MTA1: variants seen among roughly 807,000 people sequenced by gnomAD.
The protein encoded by MTA1 is metastasis associated 1.
Under a neutral mutation model 97.0 loss-of-function variants are expected in MTA1, and 15 were observed. The ratio of observed to expected loss-of-function variants is 0.15; its 90% CI spans 0.10 to 0.24. The LOEUF is 0.24. Among genes scored for constraint, MTA1 ranks in the 10% least tolerant of loss-of-function variants. The pLI, the probability that MTA1 is intolerant of heterozygous loss-of-function variation, is 1.00. For missense variants in MTA1, 709 were observed against 1,015.1 expected, an observed-to-expected ratio of 0.70 and a Z score of 4.10; for synonymous variants, 435 against 417.5, an observed-to-expected ratio of 1.04 and a Z score of -0.51.
chr14:105,466,412 G>C lies in MTA1; in HGVS notation c.1625-14G>C. 6.3e-7 allele frequency: 1 copy of C among 1,597,244 alleles called. No individual in the cohort carries two copies. Among genetic ancestry groups the C allele is most frequent in the Non-Finnish European group, 8.5e-7 (1 of 1,170,526 alleles). ...GGCAGAGGCAACTCGTTCTGCCTGTGTCATTCCCGGCAGAGACCCACCCCC... is the reference window on the plus strand; with the variant it reads ...GGCAGAGGCAACTCGTTCTGCCTGTCTCATTCCCGGCAGAGACCCACCCCC... On this transcript the variant is annotated splice_polypyrimidine_tract_variant and intron_variant, in intron 16 of 20. Transcript: ENST00000331320.
chr14:105,445,767 C>T (rs904366731), intron 3 of MTA1: 2 of 614,738 alleles, frequency 3.3e-6, no homozygotes, highest in Non-Finnish European at 6.2e-6. Flanking sequence ...CCTCTGCAAG[C>T]TTGTCATGGT....
chr14:105,443,194 G>C (rs1459567371), intron 2 of MTA1, among the ~76,000 whole-genome samples: 4 of 152,136 alleles, frequency 2.6e-5, no homozygotes, highest in Non-Finnish European at 5.9e-5. Context: ...GGCCACATTG[G>C]ATCATGACTT....
rs587626926 is a variant in MTA1 at position 105,440,359 on chromosome 14, T to C, written c.96+1620T>C. The stretch of plus-strand genomic sequence containing the variant: ...GAGGTCCTGTGTCCCTCCTGGTCTG[T>C]GTAGTGGAGGGGCGGCCGGCAGATG... On this transcript the variant is annotated intron_variant, in intron 2 of 20. Transcript: ENST00000331320. 6.7e-3 allele frequency among the ~76,000 whole-genome samples: 1,019 copies of C among 152,320 alleles called. 10 individuals carry two copies. Among genetic ancestry groups the C allele is most frequent in the Middle Eastern group, 0.017 (5 of 294 alleles).
chr14:105,470,112 G>A lies in MTA1; in HGVS notation c.2045G>A (p.Arg682His). 1.2e-6 allele frequency: 2 copies of A among 1,612,496 alleles called. No homozygotes were observed. Among genetic ancestry groups the A allele is most frequent in the Non-Finnish European group, 1.7e-6 (2 of 1,179,812 alleles). Residue 682 changes from arginine (R) to histidine (H), a missense_variant, in exon 21 of 21, where the codon CGC becomes CAC. Coordinates refer to ENST00000331320, the MANE Select transcript of MTA1 (RefSeq NM_004689.4). The part of the protein sequence containing the change: ...LSSSETKRAA[R>H]RPYKPIALRQ... Reference sequence around the variant, plus strand: ...TCCTCGGAAACCAAGCGTGCTGCCCGCCGGCCCTACAAGCCCATCGCCCTG... The same window carrying A: ...TCCTCGGAAACCAAGCGTGCTGCCCACCGGCCCTACAAGCCCATCGCCCTG...
At chr14:105,460,632 C>A in intron 9 of MTA1, 133 bp from the exon 10 acceptor site, 1 of 1,230,486 alleles carries the variant, frequency 8.1e-7, no homozygotes, top group Non-Finnish European at 1.1e-6. Flanking sequence ...CCAGACTGTG[C>A]TGAGGGTGCA....
intron 5 of MTA1, 28 bp downstream of exon 5, chr14:105,450,212 C>A (rs782410335): frequency 1.9e-6 from 3 of 1,611,202 alleles, no homozygotes; most frequent in Non-Finnish European, 2.5e-6. Flanking sequence ...CCGCCCTGGG[C>A]CCCTCGGGCT....
In MTA1 at chr14:105,466,735, C is replaced by T. The variant is rs1367216681; in HGVS notation, c.1806C>T (p.Pro602=). ...ACATGAAGAAGCGCCTCTTGATGCC[C>T]AGTAGGGGTAAGGCCTGGAGCCGCG... ...DGNMKKRLLM[P]SRGLANHGQA... Residue 602 remains proline, a synonymous_variant, in exon 18 of 21, where the codon CCC becomes CCT. Coordinates refer to ENST00000331320, the MANE Select transcript of MTA1 (RefSeq NM_004689.4). The T allele has an allele frequency of 6.3e-7, 1 of 1,592,148 alleles. No individual in the cohort carries two copies. The highest frequency in any genetic ancestry group is 1.7e-5 in the Admixed American group (1 of 57,578).
rs1244570144 is a variant in MTA1 at position 105,458,545 on chromosome 14, G to A, written c.653+173G>A. ...GCAGTTCCCAGAGAGGCTCGGGAGT[G>A]CTGGGTCCAGGCCCTTCATTAAATA... On this transcript the variant is annotated intron_variant, in intron 8 of 20. Transcript: ENST00000331320. Among the ~76,000 whole-genome samples the A allele has an allele frequency of 3.3e-5, 5 of 152,218 alleles. No homozygotes were observed. The East Asian group carries it at 9.6e-4, about 29-fold the overall frequency.
chr14:105,434,404 G>A (rs2082269145), intron 1 of MTA1, among the ~76,000 whole-genome samples: 1 of 150,236 alleles, frequency 6.7e-6, no homozygotes, highest in South Asian at 2.1e-4. Flanking sequence ...AATTTATATT[G>A]TAAGTATTTA....
chr14:105,465,087 C>A lies in MTA1; in HGVS notation c.1535-7C>A. ...CCCCACCCCTCACACCGTGTGGTACCCCGCAGGCACGGCGCGGCTGCCCGA... is the reference window on the plus strand; with the variant it reads ...CCCCACCCCTCACACCGTGTGGTACACCGCAGGCACGGCGCGGCTGCCCGA... On this transcript the variant is annotated splice_region_variant and splice_polypyrimidine_tract_variant and intron_variant, in intron 15 of 20. Coordinates refer to ENST00000331320, the MANE Select transcript of MTA1 (RefSeq NM_004689.4). 1 of 1,507,994 alleles carries A rather than the reference C, an allele frequency of 6.6e-7. No homozygotes were observed. Among genetic ancestry groups the A allele is most frequent in the Non-Finnish European group, 8.9e-7 (1 of 1,122,616 alleles). The allele number at this position is 1,507,994 out of a possible 1,614,324, so 93.4% of individuals were successfully genotyped here.
Position 105,420,788 on chromosome 14 carries a change from T to C in MTA1, c.28+725T>C, listed in dbSNP as rs1203264331. On this transcript the variant is annotated intron_variant, in intron 1 of 20. Transcript: ENST00000331320. The surrounding 1 kb of genome is among the most constrained non-coding windows in gnomAD (Gnocchi z 5.3). Reference sequence around the variant, plus strand: ...CTCGGGCCCCCCGGGCCTGCAGCTTTGAGCCTTGCCCTCCTTCGTGTGCCT... The same window carrying C: ...CTCGGGCCCCCCGGGCCTGCAGCTTCGAGCCTTGCCCTCCTTCGTGTGCCT... Among the ~76,000 whole-genome samples, 4 of 152,222 alleles carry C rather than the reference T, an allele frequency of 2.6e-5. No homozygotes were observed. Among genetic ancestry groups the C allele is most frequent in the Non-Finnish European group, 4.4e-5 (3 of 68,016 alleles).
intron 7 of MTA1, 59 bp from the exon 8 acceptor site, chr14:105,458,211 G>A (rs1329256230): frequency 8.8e-6 from 13 of 1,471,398 alleles, no homozygotes; most frequent in Non-Finnish European, 1.2e-5. Flanking sequence ...GGGGAGGAGA[G>A]GCGCGGCCCG....
chr14:105,430,830 T>A (rs2082155954), intron 1 of MTA1, among the ~76,000 whole-genome samples: 1 of 152,066 alleles, frequency 6.6e-6, no homozygotes. Flanking sequence ...TCATGACACA[T>A]GAAGATTATA....
At chr14:105,461,599 C>T (rs8005552) in intron 10 of MTA1, among the ~76,000 whole-genome samples, 132,853 of 152,270 alleles carry the variant, frequency 0.87, 60,824 homozygotes, top group Non-Finnish European at 1. Flanking sequence ...CGGGACACAG[C>T]GGGGTGGCTA....
At chr14:105,442,433 C>T (rs1252714778) in intron 2 of MTA1, among the ~76,000 whole-genome samples, 1 of 152,244 alleles carries the variant, frequency 6.6e-6, no homozygotes, top group Non-Finnish European at 1.5e-5. Context: ...CTGGGAGGGG[C>T]CTCGCAGGCG....
At chr14:105,428,505 C>T (rs920481989) in intron 1 of MTA1, among the ~76,000 whole-genome samples, 1 of 151,994 alleles carries the variant, frequency 6.6e-6, no homozygotes, top group African/African-American at 2.4e-5. Context: ...TGGGCTCAAG[C>T]GATCCTCCCA....
rs138399556 is a variant in MTA1, at chr14:105,450,028, C to T, written c.242-30C>T. The T allele has an allele frequency of 8.3e-4, 1,336 of 1,613,068 alleles. 25 individuals are homozygous for T. In the East Asian group the frequency reaches 0.017, roughly 20 times the overall value. ...TTGGTCTGGCAGTGTGCGTCTGCCG[C>T]GGTGCTGACAGGGGCTCCTTGTCCT... On this transcript the variant is annotated intron_variant, in intron 4 of 20. Coordinates refer to ENST00000331320, the MANE Select transcript of MTA1 (RefSeq NM_004689.4).
At chr14:105,449,208 A>G (rs1595359235) in intron 3 of MTA1, 151 bp from the exon 4 acceptor site, 2 of 629,708 alleles carry the variant, frequency 3.2e-6, no homozygotes, top group South Asian at 2.2e-5. Flanking sequence ...ATGATCTTCA[A>G]CCGGGTGGTC....
intron 8 of MTA1, among the ~76,000 whole-genome samples, 187 bp from the exon 9 acceptor site, chr14:105,460,171 G>A (rs587731216): frequency 1.9e-4 from 26 of 135,290 alleles, no homozygotes; most frequent in Middle Eastern, 8.1e-3. Context: ...CCTGGCACCT[G>A]GGGAGTGGTG....
Sources: allele counts gnomAD v4.1 joint callset (sites outside exome capture counted in the v4.1 genomes callset), GRCh38; gene constraint gnomAD v4.1.1; non-coding constraint Gnocchi (gnomAD v3.1); transcripts MANE v1.5; gene names NCBI Gene and HGNC (gene_info 2026-07-23, HGNC 2026-07-21).